The following ARMC8 variants were observed in gnomAD, a reference collection of about 807,000 sequenced individuals.
The protein encoded by ARMC8 is armadillo repeat containing 8.
ARMC8 carries 20 observed loss-of-function variants against 99.3 expected under a neutral mutation model. The ratio of observed to expected loss-of-function variants is 0.20; its 90% CI spans 0.14 to 0.29. The LOEUF (loss-of-function observed/expected upper bound fraction) is 0.29, where lower values mean the gene tolerates loss of function less well. Ranked by LOEUF, ARMC8 falls within the 10% of genes least tolerant of loss-of-function variation. The probability of loss-of-function intolerance (pLI) is 1.00; values close to 1 mark genes in which losing one functional copy is unlikely to be tolerated. For synonymous variants in ARMC8, 263 were observed against 278.3 expected, an observed-to-expected ratio of 0.95 and a Z score of 0.55; for missense variants, 569 against 809.5, an observed-to-expected ratio of 0.70 and a Z score of 3.60.
intron 16 of ARMC8, 54 bp downstream of exon 16, chr3:138,270,186 C>G (rs2048658813): frequency 7.7e-7 from 1 of 1,294,926 alleles, no homozygotes; most frequent in Admixed American, 1.8e-5. Context: ...CAGCTATTGT[C>G]TAAGTTAGAA....
chr3:138,278,375 G>A (rs2049517880), intron 18 of ARMC8, among the ~76,000 whole-genome samples: 1 of 151,830 alleles, frequency 6.6e-6, no homozygotes, highest in African/African-American at 2.4e-5. Context: ...GTATGGTCAC[G>A]CACCTGTAGT....
chr3:138,207,525 G>A (rs2044439445), intron 1 of ARMC8, among the ~76,000 whole-genome samples: 1 of 152,138 alleles, frequency 6.6e-6, no homozygotes, highest in Non-Finnish European at 1.5e-5. Flanking sequence ...AGACAGTAAA[G>A]ATAGAACAGT....
chr3:138,230,071 T>C (rs2045954594), intron 6 of ARMC8, among the ~76,000 whole-genome samples: 1 of 152,220 alleles, frequency 6.6e-6, no homozygotes, highest in Non-Finnish European at 1.5e-5. Context: ...TATCACAATC[T>C]ATTCAGTACT....
chr3:138,188,478 A>G (rs1462356264), intron 1 of ARMC8: 1 of 1,613,196 alleles, frequency 6.2e-7, no homozygotes, highest in Non-Finnish European at 8.5e-7. Flanking sequence ...AGTTACTGGG[A>G]GATAACTTCG....
chr3:138,239,351 C>A, intron 9 of ARMC8, 117 bp from the exon 10 acceptor site: 4 of 686,916 alleles, frequency 5.8e-6, no homozygotes, highest in Non-Finnish European at 9.7e-6. Flanking sequence ...TCTTCACTCT[C>A]AAGATAAGTG....
chr3:138,216,128 C>A (rs544004651), intron 2 of ARMC8, among the ~76,000 whole-genome samples: 69 of 150,842 alleles, frequency 4.6e-4, no homozygotes, highest in African/African-American at 1.7e-3. Flanking sequence ...ACCTTGTGAT[C>A]CGCCCGCCTC....
At position 138,298,136 on chromosome 3, in the gene ARMC8, G is replaced by A. The variant is rs1373365197; in HGVS notation, c.*2244G>A. The A allele has an allele frequency of 6.6e-6, 1 of 152,226 alleles. No individual in the cohort carries two copies. Among genetic ancestry groups the A allele is most frequent in the Non-Finnish European group, 1.5e-5 (1 of 68,040 alleles). The allele number at this position is 152,226 out of a possible 1,614,324, so 9.4% of individuals were successfully genotyped here. On this transcript the variant is annotated 3_prime_UTR_variant, in exon 22 of 22. Coordinates refer to ENST00000469044, the MANE Select transcript of ARMC8 (RefSeq NM_001363941.2). Reference sequence around the variant, plus strand: ...AGTCAGCAAGGAAGTGGGAAGAGTGGACATGGTATTGTGTCTACACCCAAG... The same window carrying A: ...AGTCAGCAAGGAAGTGGGAAGAGTGAACATGGTATTGTGTCTACACCCAAG...
chr3:138,203,354 C>T (rs988931553), intron 1 of ARMC8, among the ~76,000 whole-genome samples: 3 of 152,186 alleles, frequency 2.0e-5, no homozygotes, highest in Non-Finnish European at 4.4e-5. Flanking sequence ...GTTAGTAATA[C>T]AAATGTGGCC....
At chr3:138,195,857 T>TG (rs2043700411) in intron 1 of ARMC8, among the ~76,000 whole-genome samples, 1 of 147,228 alleles carries the variant, frequency 6.8e-6, no homozygotes, top group African/African-American at 2.5e-5. Context: ...GTCATTTTGT[T>TG]GAAAAAAAAA....
At chr3:138,281,936 C>T (rs1196833492) in intron 18 of ARMC8, among the ~76,000 whole-genome samples, 1 of 152,112 alleles carries the variant, frequency 6.6e-6, no homozygotes, top group Non-Finnish European at 1.5e-5. Context: ...GGATCATTTC[C>T]ATTACTTCCT....
intron 12 of ARMC8, among the ~76,000 whole-genome samples, chr3:138,250,793 A>G (rs567507712): frequency 4.6e-5 from 7 of 152,332 alleles, no homozygotes; most frequent in African/African-American, 1.7e-4. Flanking sequence ...TCAATGCTGT[A>G]AGATTTTAAA....
intron 6 of ARMC8, 174 bp downstream of exon 6, chr3:138,229,184 G>A (rs56340535): frequency 0.11 from 2,213 of 19,912 alleles, 79 homozygotes; most frequent in African/African-American, 0.18. Context: ...ATATATATAT[G>A]TATATGTATA....
chr3:138,255,444 C>T (rs775308145), intron 12 of ARMC8, among the ~76,000 whole-genome samples: 2 of 151,936 alleles, frequency 1.3e-5, no homozygotes, highest in East Asian at 1.9e-4. Context: ...CCTTGTGATC[C>T]GCCCGCCTTG....
chr3:138,272,650 G>A (rs2048902958), intron 16 of ARMC8, among the ~76,000 whole-genome samples: 1 of 152,216 alleles, frequency 6.6e-6, no homozygotes, highest in Non-Finnish European at 1.5e-5. Context: ...GCCAAAGCAA[G>A]TGGATCACGA....
At chr3:138,191,662 C>T (rs1023153897) in intron 1 of ARMC8, among the ~76,000 whole-genome samples, 23 of 152,200 alleles carry the variant, frequency 1.5e-4, no homozygotes, top group Admixed American at 5.9e-4. Context: ...AGCCTCTCCC[C>T]GCAACAGGTA....
chr3:138,260,254 T>A (rs1296673136), intron 12 of ARMC8, among the ~76,000 whole-genome samples: 1 of 152,212 alleles, frequency 6.6e-6, no homozygotes, highest in Non-Finnish European at 1.5e-5. Flanking sequence ...TCTTCCCAAG[T>A]TCCTTCTAAA....
intron 16 of ARMC8, among the ~76,000 whole-genome samples, chr3:138,271,448 A>G (rs2048777702): frequency 6.6e-6 from 1 of 152,174 alleles, no homozygotes; most frequent in South Asian, 2.1e-4. Context: ...CCTGTTTCCC[A>G]CATCTATCAC....
At chr3:138,291,984 G>A (rs376963074) in intron 21 of ARMC8, among the ~76,000 whole-genome samples, 1 of 152,210 alleles carries the variant, frequency 6.6e-6, no homozygotes, top group East Asian at 1.9e-4. Context: ...GTTAAGGAGA[G>A]GAGACATTAT....
In ARMC8 at chr3:138,220,150, A is replaced by G. The variant is rs562764372; in HGVS notation, c.123-1776A>G. Among the ~76,000 whole-genome samples the G allele has an allele frequency of 2.0e-5, 3 of 152,340 alleles. No individual in the cohort carries two copies. The South Asian group carries it at 6.2e-4, about 32-fold the overall frequency. On this transcript the variant is annotated intron_variant, in intron 2 of 21. Coordinates refer to ENST00000469044, the MANE Select transcript of ARMC8 (RefSeq NM_001363941.2). ...AAGTGAACAACAAGCTGGTAGGTTA[A>G]GGTCCATATGCTGATGATTAGGAAC...
Sources: gnomAD v4.1 joint callset for allele counts (sites outside exome capture counted in the v4.1 genomes callset) on GRCh38, gnomAD v4.1.1 for gene constraint, MANE v1.5 for transcripts, NCBI Gene and HGNC (gene_info 2026-07-23, HGNC 2026-07-21) for gene names.